ANO7: variants seen among roughly 807,000 people sequenced by gnomAD.
ANO7 encodes anoctamin 7, also known as anoctamin-7.
In ANO7, 114 loss-of-function variants were observed where a neutral mutation model predicts 115.8. The ratio of observed to expected loss-of-function variants is 0.98; its 90% CI spans 0.85 to 1.15. The LOEUF (loss-of-function observed/expected upper bound fraction) is 1.15. Ranked by LOEUF, ANO7 falls within the 50% of genes most tolerant of loss-of-function variation. The probability of loss-of-function intolerance (pLI) is 0.00; values close to 1 mark genes in which losing one functional copy is unlikely to be tolerated. For missense variants in ANO7, 1,302 were observed against 1,201.2 expected, an observed-to-expected ratio of 1.08 and a Z score of -1.24; for synonymous variants, 550 against 498.2, an observed-to-expected ratio of 1.10 and a Z score of -1.38.
At chr2:241,228,837 C>T (rs1466422683), downstream of ANO7, 1 of 152,884 alleles carries the variant, frequency 6.5e-6, no homozygotes, top group African/African-American at 2.4e-5. Context: ...AACCTGTGCG[C>T]ATCTCAATCA....
chr2:241,236,310 C>T, the ANO7 span: 24 of 394,948 alleles, frequency 6.1e-5, no homozygotes, highest in South Asian at 8.7e-4. Flanking sequence ...AGGTCACATT[C>T]ATCCCCCTGC....
intron 11 of ANO7, among the ~76,000 whole-genome samples, 173 bp from the exon 12 acceptor site, chr2:241,209,112 G>A (rs983298558): frequency 3.9e-5 from 6 of 152,206 alleles, no homozygotes; most frequent in African/African-American, 7.2e-5. Context: ...TCGCGCCACT[G>A]CACTCCAGCC....
At chr2:241,238,473 C>T in the ANO7 span, 4 of 481,300 alleles carry the variant, frequency 8.3e-6, no homozygotes, top group African/African-American at 2.0e-5. The surrounding 1 kb of genome is among the most constrained non-coding windows in gnomAD (Gnocchi z 4.9). Context: ...CAGTAACTGA[C>T]GTGGTCCATC....
At chr2:241,217,913 G>GCA in intron 20 of ANO7, 22 bp downstream of exon 20, 9 of 1,376,060 alleles carry the variant, frequency 6.5e-6, no homozygotes, top group Non-Finnish European at 8.6e-6. Context: ...GCGGGAGCGC[G>GCA]GGGCGGGGCG....
intron 7 of ANO7, among the ~76,000 whole-genome samples, chr2:241,201,887 G>A (rs1271532159): frequency 1.3e-5 from 2 of 152,244 alleles, no homozygotes; most frequent in Non-Finnish European, 2.9e-5. Context: ...GGTCCAGAGT[G>A]GGCTGCGCAC....
rs762926350 is a variant in ANO7 at position 241,224,240 on chromosome 2, C to T, written c.*87C>T. ...GTCCTTTTCCTCTTCCCTCAGGCAG[C>T]GGCTGTGTGAACCGCTGGCTGCTGT... On this transcript the variant is annotated 3_prime_UTR_variant, in exon 25 of 25. Coordinates refer to ENST00000674324, the MANE Select transcript of ANO7 (RefSeq NM_001370694.2). 1.0e-5 allele frequency: 15 copies of T among 1,466,816 alleles called. No homozygotes were observed. The highest frequency in any genetic ancestry group is 7.0e-5 in the East Asian group (3 of 42,764). The allele number at this position is 1,466,816 out of a possible 1,614,324, so 90.9% of individuals were successfully genotyped here.
In ANO7 at chr2:241,225,715, C is replaced by A. The variant is rs1574807550; in HGVS notation, c.*1562C>A. On this transcript the variant is annotated 3_prime_UTR_variant, in exon 25 of 25. Transcript: ENST00000674324. ...TGAGGATTTGCTACTTGTTCACCTG[C>A]CTCTTAGGAGCACTGTGCCCTGCCT... 6.6e-6 allele frequency among the ~76,000 whole-genome samples: 1 copy of A among 152,156 alleles called. No homozygotes were observed. Among genetic ancestry groups the A allele is most frequent in the African/African-American group, 2.4e-5 (1 of 41,426 alleles).
chr2:241,218,286 C>T lies in ANO7; in HGVS notation c.2226C>T (p.Tyr742=). The T allele has an allele frequency of 1.3e-6, 2 of 1,535,818 alleles. No individual in the cohort carries two copies. The highest frequency in any genetic ancestry group is 1.7e-6 in the Non-Finnish European group (2 of 1,148,922). Reference sequence around the variant, plus strand: ...CCGACTTCCTGCCGCGCGCCTACTACCGGTGGACCCGCGCCCACGACCTGC... The same window carrying T: ...CCGACTTCCTGCCGCGCGCCTACTATCGGTGGACCCGCGCCCACGACCTGC... The part of the protein sequence containing the change: ...FSSDFLPRAY[Y]RWTRAHDLRG... Residue 742 remains tyrosine (Y), a synonymous_variant, in exon 21 of 25, where the codon TAC becomes TAT. Coordinates refer to ENST00000674324, the MANE Select transcript of ANO7 (RefSeq NM_001370694.2).
Position 241,217,830 on chromosome 2 carries a change from A to G in ANO7, c.2117A>G (p.Gln706Arg), listed in dbSNP as rs1421500137. ...CGGCGCCCGGTGGCCGAGCGCGCCC[A>G]GGACATCGGCATCTGGTTCCACATC... Reference protein sequence around the residue: ...EYRRPVAERAQDIGIWFHILA... With the variant: ...EYRRPVAERARDIGIWFHILA... Residue 706 changes from glutamine to arginine, a missense_variant, in exon 20 of 25, where the codon CAG (glutamine) becomes CGG (arginine). Gln to Arg is a conservative substitution (Grantham distance 43). Coordinates refer to ENST00000674324, the MANE Select transcript of ANO7 (RefSeq NM_001370694.2). 3 of 1,608,844 alleles carry G rather than the reference A, an allele frequency of 1.9e-6. No homozygotes were observed. The highest frequency in any genetic ancestry group is 2.2e-5 in the East Asian group (1 of 44,750).
downstream of ANO7, chr2:241,229,742 G>A (rs1167027291): frequency 6.2e-7 from 1 of 1,610,162 alleles, no homozygotes; most frequent in Non-Finnish European, 8.5e-7. Flanking sequence ...CTCGCAAGCA[G>A]CTTCCGACGC....
Position 241,217,744 on chromosome 2 carries a change from C to T in ANO7, c.2031C>T (p.Phe677=), listed in dbSNP as rs781326680. ...FVAACPLAPL[F]ALLNNWVEIR... ...CCGCCTGTCCGCTCGCGCCGCTCTT[C>T]GCCCTGCTCAACAACTGGGTGGAGA... Residue 677 remains phenylalanine, a synonymous_variant, in exon 20 of 25, where the codon TTC becomes TTT. Transcript: ENST00000674324. 10 of 1,605,786 alleles carry T rather than the reference C, an allele frequency of 6.2e-6. No individual in the cohort carries two copies. The highest frequency in any genetic ancestry group is 6.8e-6 in the Non-Finnish European group (8 of 1,176,708).
In ANO7 at chr2:241,198,181, C is replaced by T. The variant is rs2068388316; in HGVS notation, c.310-1135C>T. Among the ~76,000 whole-genome samples the T allele has an allele frequency of 2.6e-5, 4 of 152,210 alleles. No individual in the cohort carries two copies. The South Asian group carries it at 8.3e-4, about 32-fold the overall frequency. On this transcript the variant is annotated intron_variant, in intron 4 of 24. Transcript: ENST00000674324. Reference sequence around the variant, plus strand: ...CACCCACCTTCTCATTCCCACGTTGCCTACTCCTTGTCCAGAACACACAGG... The same window carrying T: ...CACCCACCTTCTCATTCCCACGTTGTCTACTCCTTGTCCAGAACACACAGG...
At chr2:241,217,497 T>C (rs1044865743) in intron 19 of ANO7, 189 bp from the exon 20 acceptor site, 4 of 644,068 alleles carry the variant, frequency 6.2e-6, no homozygotes, top group Admixed American at 3.0e-5. Flanking sequence ...ACAGCCGGCC[T>C]GAGGCCGGTC....
In ANO7 at chr2:241,202,309, G is replaced by A. The variant is rs1421677108; in HGVS notation, c.723+5G>A. 62 of 1,611,004 alleles carry A rather than the reference G, an allele frequency of 3.8e-5. No individual in the cohort carries two copies. The Admixed American group carries it at 1.0e-3, about 27-fold the overall frequency. On this transcript the variant is annotated splice_donor_5th_base_variant and intron_variant, in intron 8 of 24. Coordinates refer to ENST00000674324, the MANE Select transcript of ANO7 (RefSeq NM_001370694.2). ...GCCGCCTTCCCCCTGCATGACGTGA[G>A]CTCGGGGGCTGGGGGCTCCAGCCTG...
chr2:241,194,911 G>T (rs767374857), intron 3 of ANO7, among the ~76,000 whole-genome samples: 18 of 152,292 alleles, frequency 1.2e-4, no homozygotes, highest in African/African-American at 4.3e-4. Context: ...CTTACTCCTC[G>T]GGTGTGGCCT....
the ANO7 span, chr2:241,239,665 G>C: frequency 1.9e-6 from 3 of 1,614,216 alleles, no homozygotes; most frequent in South Asian, 3.3e-5. This position sits in a 1 kb window ranked among gnomAD's most constrained non-coding sequence, Gnocchi z 4.6. Context: ...TGGCGCCCTT[G>C]AGGGTGACTT....
downstream of ANO7, chr2:241,230,902 C>T (rs2069664026): frequency 6.2e-7 from 1 of 1,614,230 alleles, no homozygotes; most frequent in Non-Finnish European, 8.5e-7. This position sits in a 1 kb window ranked among gnomAD's most constrained non-coding sequence, Gnocchi z 5.0. Flanking sequence ...CTGGCAGCTT[C>T]TGTGTTCTTT....
At chr2:241,217,912 C>T (rs1323853388) in intron 20 of ANO7, 21 bp downstream of exon 20, 9 of 1,076,384 alleles carry the variant, frequency 8.4e-6, no homozygotes, top group Non-Finnish European at 1.1e-5. Context: ...GGCGGGAGCG[C>T]GGGGCGGGGC....
intron 10 of ANO7, among the ~76,000 whole-genome samples, chr2:241,205,545 C>T (rs1340351664): frequency 2.5e-5 from 3 of 120,660 alleles, no homozygotes; most frequent in Middle Eastern, 6.8e-3. Context: ...AAGGCTGACA[C>T]AGGTGGACAG....
Sources: allele counts gnomAD v4.1 joint callset (sites outside exome capture counted in the v4.1 genomes callset), GRCh38; gene constraint gnomAD v4.1.1; non-coding constraint Gnocchi (gnomAD v3.1); transcripts MANE v1.5; gene names NCBI Gene and HGNC (gene_info 2026-07-23, HGNC 2026-07-21).